ZNF891: variants seen among roughly 807,000 people sequenced by gnomAD.
The protein encoded by ZNF891 is zinc finger protein 891, also known as hCG1646157.
For synonymous variants in ZNF891, 199 were observed against 209.0 expected (o/e 0.95, Z 0.41); for missense variants, 589 against 632.7 (o/e 0.93, Z 0.74).
chr12:133,105,134 A>C lies in ZNF891; in HGVS notation c.*15150T>G, dbSNP rs987099739. Among the ~76,000 whole-genome samples the C allele has an allele frequency of 6.6e-6, 1 of 152,214 alleles. No individual in the cohort carries two copies. Among genetic ancestry groups the C allele is most frequent in the Non-Finnish European group, 1.5e-5 (1 of 68,042 alleles). ...TGAACAGAATCTAATGTCTTTGTGC[A>C]ATCTGACGAACACTTAGTGTTTAGT... On this transcript the variant is annotated 3_prime_UTR_variant, in exon 2 of 2. Coordinates refer to ENST00000537226, the MANE Select transcript of ZNF891 (RefSeq NM_001277291.2).
intron 1 of ZNF891, chr12:133,125,763 C>T (rs1955809281): frequency 4.4e-6 from 2 of 456,930 alleles, no homozygotes; most frequent in African/African-American, 4.0e-5. Context: ...CACTTGTGCT[C>T]ACTGTGGATC....
At chr12:133,129,542 C>T (rs1236878915) in intron 1 of ZNF891, among the ~76,000 whole-genome samples, 1 of 148,424 alleles carries the variant, frequency 6.7e-6, no homozygotes, top group Non-Finnish European at 1.5e-5. Flanking sequence ...AAGTTAAATG[C>T]GTACTAAATA....
At chr12:133,128,293 C>T (rs1489598133) in intron 1 of ZNF891, among the ~76,000 whole-genome samples, 3 of 152,126 alleles carry the variant, frequency 2.0e-5, no homozygotes, top group African/African-American at 7.2e-5. Context: ...ACACACATTT[C>T]TTGGAGCACA....
rs1225803343 is a variant in ZNF891 at position 133,110,803 on chromosome 12, T to A, written c.*9481A>T. The A allele has an allele frequency of 6.6e-6, 1 of 151,908 alleles. No homozygotes were observed. The highest frequency in any genetic ancestry group is 2.4e-5 in the African/African-American group (1 of 41,338). The allele number at this position is 151,908 out of a possible 1,614,324, so 9.4% of individuals were successfully genotyped here. On this transcript the variant is annotated 3_prime_UTR_variant, in exon 2 of 2. Transcript: ENST00000537226. ...CATTGCTACTAAAAATACAAAAAAT[T>A]AGTTGGGTGTGGCGGTGCATGCCTG...
chr12:133,105,562 T>C lies in ZNF891; in HGVS notation c.*14722A>G. On this transcript the variant is annotated 3_prime_UTR_variant, in exon 2 of 2. Coordinates refer to ENST00000537226, the MANE Select transcript of ZNF891 (RefSeq NM_001277291.2). Reference sequence around the variant, plus strand: ...ACTTTTCACCAAAAAATGTCATTTATGATGACTCATCCCAGTATTTGATCA... The same window carrying C: ...ACTTTTCACCAAAAAATGTCATTTACGATGACTCATCCCAGTATTTGATCA... 6.2e-7 allele frequency: 1 copy of C among 1,613,326 alleles called. No homozygotes were observed. The highest frequency in any genetic ancestry group is 8.5e-7 in the Non-Finnish European group (1 of 1,179,812).
intron 1 of ZNF891, among the ~76,000 whole-genome samples, chr12:133,127,327 T>C (rs919842742): frequency 6.6e-6 from 1 of 152,114 alleles, no homozygotes; most frequent in African/African-American, 2.4e-5. Flanking sequence ...AGCAAGTAAT[T>C]TCTTTAAATA....
At position 133,120,171 on chromosome 12, in the gene ZNF891, A is replaced by T. The variant is rs1245266310; in HGVS notation, c.*113T>A. 2 of 814,414 alleles carry T rather than the reference A, an allele frequency of 2.5e-6. No homozygotes were observed. Among genetic ancestry groups the T allele is most frequent in the Non-Finnish European group, 3.6e-6 (2 of 554,100 alleles). 50.4% of individuals were successfully genotyped at this position (814,414 alleles called of 1,614,324 possible). Reference sequence around the variant, plus strand: ...TAGTATTTACAGAAAATGTTATATTAAAAAAAGAGCCATTTGTAACCTTAA... The same window carrying T: ...TAGTATTTACAGAAAATGTTATATTTAAAAAAGAGCCATTTGTAACCTTAA... On this transcript the variant is annotated 3_prime_UTR_variant, in exon 2 of 2. Coordinates refer to ENST00000537226, the MANE Select transcript of ZNF891 (RefSeq NM_001277291.2).
At chr12:133,126,597 G>C (rs1006602238) in intron 1 of ZNF891, among the ~76,000 whole-genome samples, 1 of 151,520 alleles carries the variant, frequency 6.6e-6, no homozygotes, top group Middle Eastern at 3.2e-3. Flanking sequence ...AATCACTTCA[G>C]GTCAGAATTC....
rs1477594831 is a variant in ZNF891 at position 133,105,732 on chromosome 12, T to G, written c.*14552A>C. ...CATCAAGAAGCCCTGGCTCAACATATGAATATCAGTACTGTGGAGAGGCCC... is the reference window on the plus strand; with the variant it reads ...CATCAAGAAGCCCTGGCTCAACATAGGAATATCAGTACTGTGGAGAGGCCC... On this transcript the variant is annotated 3_prime_UTR_variant, in exon 2 of 2. Transcript: ENST00000537226. 1 of 1,614,138 alleles carries G rather than the reference T, an allele frequency of 6.2e-7. No homozygotes were observed. Among genetic ancestry groups the G allele is most frequent in the Non-Finnish European group, 8.5e-7 (1 of 1,180,022 alleles).
intron 1 of ZNF891, among the ~76,000 whole-genome samples, chr12:133,128,180 T>A (rs1955834898): frequency 1.3e-5 from 2 of 152,198 alleles, no homozygotes; most frequent in African/African-American, 2.4e-5. Flanking sequence ...AAGCCAGAAC[T>A]GCTTAAATAT....
Position 133,109,314 on chromosome 12 carries a change from A to C in ZNF891, c.*10970T>G, listed in dbSNP as rs1314405277. The C allele has an allele frequency of 6.6e-6, 1 of 152,188 alleles. No individual in the cohort carries two copies. The highest frequency in any genetic ancestry group is 2.4e-5 in the African/African-American group (1 of 41,438). 9.4% of individuals were successfully genotyped at this position (152,188 alleles called of 1,614,324 possible). A position where few individuals can be genotyped will look rare whatever the true frequency, so the allele number is the denominator to read the frequency against. ...AAGTAAGATCCCAATTTCAGTAGAGATCATAGGATCTTGGCATGGGAGGGG... is the reference window on the plus strand; with the variant it reads ...AAGTAAGATCCCAATTTCAGTAGAGCTCATAGGATCTTGGCATGGGAGGGG... On this transcript the variant is annotated 3_prime_UTR_variant, in exon 2 of 2. Coordinates refer to ENST00000537226, the MANE Select transcript of ZNF891 (RefSeq NM_001277291.2).
In ZNF891 at chr12:133,105,497, TG is replaced by T; in HGVS notation, c.*14786del. ...GAAAAAGAAACATTCACTTTTTTTT[TG>T]GTATCTTTCAGTTTCAGAGTCAAGT... On this transcript the variant is annotated 3_prime_UTR_variant, in exon 2 of 2. Transcript: ENST00000537226. 1.9e-6 allele frequency: 3 copies of T among 1,563,178 alleles called. No individual in the cohort carries two copies. The highest frequency in any genetic ancestry group is 2.1e-5 in the Admixed American group (1 of 48,578).
chr12:133,120,844 C>G lies in ZNF891; in HGVS notation c.1075G>C (p.Asp359His). 6.4e-7 allele frequency: 1 copy of G among 1,552,782 alleles called. No homozygotes were observed. Among genetic ancestry groups the G allele is most frequent in the Non-Finnish European group, 8.7e-7 (1 of 1,150,872 alleles). ...ACATGTCTCCTTAAGGTTGAGGAAT[C>G]ATTGAACACTTTACCACATTCTTTA... The part of the protein sequence containing the change: ...ECKECGKVFN[D>H]SSTLRRHVRT... Residue 359 changes from aspartate to histidine, a missense_variant, in exon 2 of 2, where the codon GAT becomes CAT. Physicochemically the swap from Asp to His is moderately conservative, Grantham distance 81 (BLOSUM62 -1). Coordinates refer to ENST00000537226, the MANE Select transcript of ZNF891 (RefSeq NM_001277291.2).
Position 133,111,052 on chromosome 12 carries a change from G to A in ZNF891, c.*9232C>T, listed in dbSNP as rs1955679486. On this transcript the variant is annotated 3_prime_UTR_variant, in exon 2 of 2. Coordinates refer to ENST00000537226, the MANE Select transcript of ZNF891 (RefSeq NM_001277291.2). ...GAGATCCAAGAAATTTCAGAGCAAA[G>A]AGAGGTAGCAAAACCTGCCTATTGG... The A allele has an allele frequency of 6.6e-6, 1 of 152,164 alleles. No individual in the cohort carries two copies. Among genetic ancestry groups the A allele is most frequent in the African/African-American group, 2.4e-5 (1 of 41,436 alleles). 9.4% of individuals were successfully genotyped at this position (152,164 alleles called of 1,614,324 possible).
chr12:133,128,119 T>G (rs1955834079), intron 1 of ZNF891, among the ~76,000 whole-genome samples: 1 of 152,146 alleles, frequency 6.6e-6, no homozygotes, highest in African/African-American at 2.4e-5. Context: ...TGATAAAAAT[T>G]TTAAAATAAT....
In ZNF891 at chr12:133,112,306, T is replaced by C. The variant is rs1955687312; in HGVS notation, c.*7978A>G. ...TTAACTTCGTATTTCAAGTTAAATG[T>C]TATTTTCTCATGGAGACCTTCTTTT... On this transcript the variant is annotated 3_prime_UTR_variant, in exon 2 of 2. Transcript: ENST00000537226. 6.6e-6 allele frequency: 1 copy of C among 151,416 alleles called. No individual in the cohort carries two copies. Among genetic ancestry groups the C allele is most frequent in the South Asian group, 2.1e-4 (1 of 4,772 alleles). The allele number at this position is 151,416 out of a possible 1,614,324, so 9.4% of individuals were successfully genotyped here.
At position 133,106,238 on chromosome 12, in the gene ZNF891, A is replaced by G; in HGVS notation, c.*14046T>C. 1 of 1,614,232 alleles carries G rather than the reference A, an allele frequency of 6.2e-7. No homozygotes were observed. Among genetic ancestry groups the G allele is most frequent in the South Asian group, 1.1e-5 (1 of 91,088 alleles). ...TTTCTCACACCTTACTCGACATCAG[A>G]GCATCCATACAACCAAAACCCCGTA... On this transcript the variant is annotated 3_prime_UTR_variant, in exon 2 of 2. Coordinates refer to ENST00000537226, the MANE Select transcript of ZNF891 (RefSeq NM_001277291.2).
At chr12:133,126,969 CTTTTT>C (rs543463648) in intron 1 of ZNF891, among the ~76,000 whole-genome samples, 2 of 88,670 alleles carry the variant, frequency 2.3e-5, no homozygotes, top group Non-Finnish European at 4.2e-5. Context: ...TACAGGAAAA[CTTTTT>C]TTTTTTTTTT....
At position 133,128,707 on chromosome 12, in the gene ZNF891, C is replaced by T. The variant is rs750983793; in HGVS notation, c.-107+1520G>A. On this transcript the variant is annotated intron_variant, in intron 1 of 1. Transcript: ENST00000537226. ...GTGGTGGGGCCTGAGGCAGGAGAAT[C>T]GCTTGAATCCGGGTGGTAGAGGCTA... Among the ~76,000 whole-genome samples the T allele has an allele frequency of 5.4e-4, 81 of 151,158 alleles. 1 individual carries two copies. The highest frequency in any genetic ancestry group is 1.0e-3 in the Non-Finnish European group (69 of 67,860).
Sources: gnomAD v4.1 joint callset for allele counts (sites outside exome capture counted in the v4.1 genomes callset) on GRCh38, gnomAD v4.1.1 for gene constraint, MANE v1.5 for transcripts, NCBI Gene and HGNC (gene_info 2026-07-23, HGNC 2026-07-21) for gene names.